Variants in ROBO1 observed in about 807,000 individuals in gnomAD.
ROBO1 encodes the protein roundabout guidance receptor 1, also known as roundabout homolog 1.
In ROBO1, 149 loss-of-function variants were observed where a neutral mutation model predicts 195.9. The ratio of observed to expected loss-of-function variants is 0.76; its 90% CI spans 0.67 to 0.87. The LOEUF is 0.87. ROBO1 is among the 40% of genes least tolerant of loss of function. ROBO1 has a pLI of 0.00. For missense variants in ROBO1, 1,933 were observed against 2,068.3 expected (o/e 0.93, Z 1.27); for synonymous variants, 816 against 733.2 (o/e 1.11, Z -1.82).
intron 29 of ROBO1, among the ~76,000 whole-genome samples, chr3:78,605,662 T>C (rs1309284752): frequency 6.6e-6 from 1 of 152,208 alleles, no homozygotes; most frequent in Non-Finnish European, 1.5e-5. Flanking sequence ...TAAATTTTCG[T>C]TGGATTTTTT....
At chr3:79,417,365 A>G (rs1468481926) in intron 2 of ROBO1, among the ~76,000 whole-genome samples, 2 of 152,100 alleles carry the variant, frequency 1.3e-5, no homozygotes, top group Non-Finnish European at 2.9e-5. Flanking sequence ...TTTGCTAACA[A>G]TCATGTGAGT....
intron 2 of ROBO1, among the ~76,000 whole-genome samples, chr3:79,479,016 C>T (rs1938689266): frequency 6.6e-6 from 1 of 152,180 alleles, no homozygotes; most frequent in South Asian, 2.1e-4. Context: ...AGAGGTACAT[C>T]AGGAAAGAAT....
At chr3:78,629,471 C>A (rs1413919257) in intron 25 of ROBO1, among the ~76,000 whole-genome samples, 2 of 151,968 alleles carry the variant, frequency 1.3e-5, no homozygotes, top group Non-Finnish European at 2.9e-5. Flanking sequence ...GCGGGACGAT[C>A]GCTTGAGATC....
chr3:79,032,665 G>GT (rs1178271946), intron 3 of ROBO1, among the ~76,000 whole-genome samples: 2 of 151,930 alleles, frequency 1.3e-5, no homozygotes, highest in Non-Finnish European at 2.9e-5. Flanking sequence ...CTATTTCCTA[G>GT]TTTTTTATTC....
chr3:78,951,082 G>A (rs959976240), intron 3 of ROBO1, among the ~76,000 whole-genome samples: 4 of 151,184 alleles, frequency 2.6e-5, no homozygotes, highest in Admixed American at 1.3e-4. Context: ...CTATATCATA[G>A]ATATATATAA....
At chr3:79,488,132 C>T (rs568973299) in intron 2 of ROBO1, among the ~76,000 whole-genome samples, 1 of 152,124 alleles carries the variant, frequency 6.6e-6, no homozygotes, top group East Asian at 1.9e-4. Flanking sequence ...GAAATAAAAA[C>T]TTGTCAAATA....
chr3:79,398,163 T>C (rs2037221901), intron 2 of ROBO1, among the ~76,000 whole-genome samples: 1 of 152,160 alleles, frequency 6.6e-6, no homozygotes, highest in South Asian at 2.1e-4. Flanking sequence ...TCTCTGATTC[T>C]TATTCTGGTT....
chr3:78,761,393 T>A (rs549368722), intron 4 of ROBO1, among the ~76,000 whole-genome samples: 1 of 152,280 alleles, frequency 6.6e-6, no homozygotes, highest in African/African-American at 2.4e-5. Flanking sequence ...AACTAATGTA[T>A]AAGGTTTTAC....
At chr3:79,325,507 A>G (rs920034517) in intron 2 of ROBO1, among the ~76,000 whole-genome samples, 10 of 152,232 alleles carry the variant, frequency 6.6e-5, no homozygotes, top group Admixed American at 5.9e-4. Flanking sequence ...ACATGCAAAT[A>G]TTAACGTAAT....
At chr3:79,133,355 C>T (rs2080328462) in intron 2 of ROBO1, among the ~76,000 whole-genome samples, 1 of 115,514 alleles carries the variant, frequency 8.7e-6, no homozygotes, top group Non-Finnish European at 1.8e-5. Flanking sequence ...TCACATAGTC[C>T]CATATTTCTT....
intron 3 of ROBO1, among the ~76,000 whole-genome samples, chr3:78,962,775 G>C (rs1265945098): frequency 1.5e-5 from 2 of 131,322 alleles, no homozygotes; most frequent in African/African-American, 5.8e-5. Flanking sequence ...AGTGAGCCGA[G>C]ATCGCGCCAC....
chr3:79,514,087 C>T (rs528077669), intron 2 of ROBO1, among the ~76,000 whole-genome samples: 8 of 152,102 alleles, frequency 5.3e-5, no homozygotes, highest in Non-Finnish European at 1.0e-4. Context: ...GGGAGCAGCA[C>T]GGCCATTAGG....
At chr3:79,346,153 A>G (rs960516704) in intron 2 of ROBO1, among the ~76,000 whole-genome samples, 2 of 152,126 alleles carry the variant, frequency 1.3e-5, no homozygotes, top group African/African-American at 4.8e-5. Flanking sequence ...ATTGCTCTAT[A>G]TTGCTCATTT....
In ROBO1 at chr3:79,723,536, G is replaced by C. The variant is rs183152259; in HGVS notation, c.-51+44216C>G. On this transcript the variant is annotated intron_variant, in intron 1 of 30. Coordinates refer to ENST00000464233, the MANE Select transcript of ROBO1 (RefSeq NM_002941.4). Reference sequence around the variant, plus strand: ...ATTATCCCCTACTCCCTAAAATCATGTTTTCCCAACTTAAGAAGATTGGAC... The same window carrying C: ...ATTATCCCCTACTCCCTAAAATCATCTTTTCCCAACTTAAGAAGATTGGAC... Among the ~76,000 whole-genome samples the C allele has an allele frequency of 3.3e-5, 5 of 152,152 alleles. No homozygotes were observed. The East Asian group carries it at 5.8e-4, about 18-fold the overall frequency.
intron 3 of ROBO1, among the ~76,000 whole-genome samples, chr3:79,124,731 T>A (rs2080183230): frequency 6.6e-6 from 1 of 152,216 alleles, no homozygotes; most frequent in Non-Finnish European, 1.5e-5. Flanking sequence ...ATAAGTGATG[T>A]CTTGTATTCC....
At chr3:78,766,217 A>C (rs2108394830) in intron 4 of ROBO1, among the ~76,000 whole-genome samples, 1 of 152,328 alleles carries the variant, frequency 6.6e-6, no homozygotes, top group African/African-American at 2.4e-5. Flanking sequence ...GAACAAAGGA[A>C]AAAGGCAGGT....
At chr3:79,039,372 T>C (rs906176909) in intron 3 of ROBO1, among the ~76,000 whole-genome samples, 2 of 152,180 alleles carry the variant, frequency 1.3e-5, no homozygotes, top group Non-Finnish European at 2.9e-5. Flanking sequence ...GTTACGTAAT[T>C]TTAGAATTGA....
At chr3:78,624,957 T>C (rs1194525247) in intron 26 of ROBO1, among the ~76,000 whole-genome samples, 2 of 152,102 alleles carry the variant, frequency 1.3e-5, no homozygotes, top group Non-Finnish European at 2.9e-5. Flanking sequence ...ACAGACTTAT[T>C]AGAAAAGAGT....
At position 78,615,072 on chromosome 3, in the gene ROBO1, TAAAGA is replaced by T. The variant is rs376177005; in HGVS notation, c.4283-277_4283-273del. On this transcript the variant is annotated intron_variant, in intron 27 of 30. Coordinates refer to ENST00000464233, the MANE Select transcript of ROBO1 (RefSeq NM_002941.4). ...GTTAAAGTTCATGATACCTATTTATTAAAGAAAAGTATTCCAATTATTTTTGCAAT... is the reference window on the plus strand; with the variant it reads ...GTTAAAGTTCATGATACCTATTTATTAAAGTATTCCAATTATTTTTGCAAT... 3.1e-3 allele frequency among the ~76,000 whole-genome samples: 472 copies of T among 152,318 alleles called. 1 individual carries two copies. The highest frequency in any genetic ancestry group is 0.011 in the African/African-American group (460 of 41,588).
Sources: allele counts gnomAD v4.1 joint callset (sites outside exome capture counted in the v4.1 genomes callset), GRCh38; gene constraint gnomAD v4.1.1; transcripts MANE v1.5; gene names NCBI Gene and HGNC (gene_info 2026-07-23, HGNC 2026-07-21).